PPIH: variants seen among roughly 807,000 people sequenced by gnomAD.
PPIH encodes the protein peptidylprolyl isomerase H.
A neutral mutation model predicts 27.6 loss-of-function variants in PPIH; 16 were observed. The observed-to-expected ratio is 0.58, with a 90% CI of 0.39 to 0.88. PPIH has a LOEUF of 0.88. Among genes scored for constraint, PPIH ranks in the 40% least tolerant of loss-of-function variants. The pLI, the probability that PPIH is intolerant of heterozygous loss-of-function variation, is 0.00. For synonymous variants in PPIH, 63 were observed against 76.1 expected (o/e 0.83, Z 0.90); for missense variants, 155 against 224.1 (o/e 0.69, Z 1.97).
At chr1:42,660,748 A>G in intron 4 of PPIH, 114 bp from the exon 5 acceptor site, 1 of 967,408 alleles carries the variant, frequency 1.0e-6, no homozygotes, top group South Asian at 1.7e-5. Flanking sequence ...TGATTTTATA[A>G]TAGCCAAAGT....
Position 42,660,916 on chromosome 1 carries a change from T to A in PPIH, c.243+12T>A. On this transcript the variant is annotated intron_variant, in intron 5 of 9. Coordinates refer to ENST00000304979, the MANE Select transcript of PPIH (RefSeq NM_006347.4). ...GAGATTTTGTTAATGTAAGTACTAT[T>A]CCTTTCCTATCAAAGACCCGTAGTT... 1 of 1,604,166 alleles carries A rather than the reference T, an allele frequency of 6.2e-7. No homozygotes were observed. Among genetic ancestry groups the A allele is most frequent in the Non-Finnish European group, 8.5e-7 (1 of 1,171,408 alleles).
chr1:42,671,281 A>T (rs1324679396), intron 9 of PPIH, among the ~76,000 whole-genome samples: 1 of 152,176 alleles, frequency 6.6e-6, no homozygotes, highest in Non-Finnish European at 1.5e-5. Flanking sequence ...TACAAAAATT[A>T]GCCGGGCGTG....
At position 42,658,832 on chromosome 1, in the gene PPIH, C is replaced by T. The variant is rs369900621; in HGVS notation, c.67-12C>T. ...TGGACTGGGCCTTCTGACACTCTCC[C>T]GCTGATTGCAGGAAGTTGGCCGCAT... is the stretch of plus-strand genomic sequence containing the variant. On this transcript the variant is annotated splice_polypyrimidine_tract_variant and intron_variant, in intron 1 of 9. Coordinates refer to ENST00000304979, the MANE Select transcript of PPIH (RefSeq NM_006347.4). 4.3e-6 allele frequency: 7 copies of T among 1,613,956 alleles called. No individual in the cohort carries two copies. The African/African-American group carries it at 9.3e-5, about 22-fold the overall frequency.
chr1:42,666,240 G>C (rs896628062), intron 7 of PPIH, among the ~76,000 whole-genome samples, 173 bp downstream of exon 7: 3 of 152,158 alleles, frequency 2.0e-5, no homozygotes, highest in African/African-American at 7.2e-5. Context: ...TAGAGAACTA[G>C]AGGGAAGGAC....
chr1:42,679,886 C>T (rs1313445025), downstream of PPIH, among the ~76,000 whole-genome samples: 1 of 152,228 alleles, frequency 6.6e-6, no homozygotes, highest in Non-Finnish European at 1.5e-5. Context: ...GCCTTTTTCA[C>T]CTGGATTACT....
intron 4 of PPIH, 118 bp downstream of exon 4, chr1:42,659,684 T>C: frequency 6.9e-7 from 1 of 1,438,864 alleles, no homozygotes; most frequent in Non-Finnish European, 9.2e-7. Context: ...AGAAATGTTT[T>C]TGTGGACTCA....
At chr1:42,673,859 G>A (rs1253898869) in intron 9 of PPIH, among the ~76,000 whole-genome samples, 2 of 152,210 alleles carry the variant, frequency 1.3e-5, no homozygotes, top group East Asian at 1.9e-4. Flanking sequence ...AATTGTACCT[G>A]TGGATGATAG....
chr1:42,659,339 C>G lies in PPIH; in HGVS notation c.155+88C>G, dbSNP rs1367779837. On this transcript the variant is annotated intron_variant, in intron 3 of 9. Transcript: ENST00000304979. ...AGGGTATCGGTGAACCACCTGCTGGCCTTGAATGATTGCTGGTGACAGTGA... is the reference window on the plus strand; with the variant it reads ...AGGGTATCGGTGAACCACCTGCTGGGCTTGAATGATTGCTGGTGACAGTGA... 1.9e-6 allele frequency: 3 copies of G among 1,614,060 alleles called. No individual in the cohort carries two copies. The African/African-American group carries it at 4.0e-5, about 22-fold the overall frequency.
intron 5 of PPIH, among the ~76,000 whole-genome samples, chr1:42,663,291 C>T (rs1649144819): frequency 6.6e-6 from 1 of 152,116 alleles, no homozygotes; most frequent in Non-Finnish European, 1.5e-5. Context: ...TTCATGATAA[C>T]TGTAAAGAGT....
chr1:42,677,998 A>G (rs1218620390), downstream of PPIH, among the ~76,000 whole-genome samples: 5 of 152,236 alleles, frequency 3.3e-5, no homozygotes, highest in Non-Finnish European at 7.3e-5. Context: ...TGACAATAGA[A>G]CTTGGTTAAA....
Position 42,666,588 on chromosome 1 carries a change from G to GT in PPIH, c.465+2dup. The stretch of plus-strand genomic sequence containing the variant: ...ACTTCTAGTGATGAGAAAGATTGAG[G>GT]TAAGTACTGCTTTGATTTTTCTGTT... On this transcript the variant is annotated splice_donor_variant, in intron 8 of 9. Coordinates refer to ENST00000304979, the MANE Select transcript of PPIH (RefSeq NM_006347.4). LOFTEE classifies it high-confidence loss of function. The GT allele has an allele frequency of 3.1e-6, 5 of 1,613,566 alleles. No individual in the cohort carries two copies. Among genetic ancestry groups the GT allele is most frequent in the Non-Finnish European group, 4.2e-6 (5 of 1,179,556 alleles).
At chr1:42,661,850 G>GT (rs66724307) in intron 5 of PPIH, among the ~76,000 whole-genome samples, 11,903 of 151,714 alleles carry the variant, frequency 0.078, 606 homozygotes, top group South Asian at 0.15. Flanking sequence ...AAAAATCCTA[G>GT]TTTTTTTTTC....
chr1:42,675,891 C>A (rs1649857105), intron 9 of PPIH, among the ~76,000 whole-genome samples: 1 of 152,092 alleles, frequency 6.6e-6, no homozygotes, highest in South Asian at 2.1e-4. Context: ...GCTTTGGAGC[C>A]AAGTAGACCA....
chr1:42,679,399 G>A (rs1220075432), downstream of PPIH, among the ~76,000 whole-genome samples: 1 of 152,022 alleles, frequency 6.6e-6, no homozygotes, highest in Non-Finnish European at 1.5e-5. Flanking sequence ...CACGTTGGCC[G>A]GGCTGGTCTC....
intron 4 of PPIH, among the ~76,000 whole-genome samples, chr1:42,660,355 C>T (rs1648937483): frequency 6.6e-6 from 1 of 152,122 alleles, no homozygotes; most frequent in South Asian, 2.1e-4. Context: ...TAATTTATAA[C>T]GAAAATCCTT....
chr1:42,671,056 A>G (rs1374698571), intron 9 of PPIH, among the ~76,000 whole-genome samples: 1 of 152,084 alleles, frequency 6.6e-6, no homozygotes, highest in African/African-American at 2.4e-5. Flanking sequence ...TTGGCCTCCC[A>G]AAGTGCTGGG....
At chr1:42,666,163 C>A in intron 7 of PPIH, 96 bp downstream of exon 7, 1 of 1,160,484 alleles carries the variant, frequency 8.6e-7, no homozygotes, top group Non-Finnish European at 1.3e-6. Context: ...GAAAGCTCAA[C>A]CTGTGTAACT....
intron 5 of PPIH, among the ~76,000 whole-genome samples, chr1:42,663,384 C>CTTTTTTTTTTTTAGA (rs1464859608): frequency 6.6e-6 from 1 of 151,958 alleles, no homozygotes; most frequent in African/African-American, 2.4e-5. Flanking sequence ...AGTGATAGAT[C>CTTTTTTTTTTTTAGA]TGGAACTCAA....
rs774671990 is a variant in PPIH, at chr1:42,667,451, C to T, written c.*21+11C>T. 28 of 1,547,198 alleles carry T rather than the reference C, an allele frequency of 1.8e-5. No homozygotes were observed. The highest frequency in any genetic ancestry group is 2.3e-5 in the Non-Finnish European group (26 of 1,119,952). On this transcript the variant is annotated intron_variant, in intron 9 of 9. Transcript: ENST00000304979. ...CAAAGACTGAATCAGGTAAGTGTGT[C>T]TTTCTCCTATTAGGTTAGGAATCAG...
Sources: gnomAD v4.1 joint callset for allele counts (sites outside exome capture counted in the v4.1 genomes callset) on GRCh38, gnomAD v4.1.1 for gene constraint, MANE v1.5 for transcripts, NCBI Gene and HGNC (gene_info 2026-07-23, HGNC 2026-07-21) for gene names.